The following CD4 variants were observed in gnomAD, a reference collection of about 807,000 sequenced individuals.
The protein encoded by CD4 is T-cell surface glycoprotein CD4.
Under a neutral mutation model 50.5 loss-of-function variants are expected in CD4, and 25 were observed. The ratio of observed to expected loss-of-function variants is 0.49; its 90% CI spans 0.36 to 0.69. The LOEUF is 0.69. Ranked by LOEUF, CD4 falls within the 30% of genes least tolerant of loss-of-function variation. The probability of loss-of-function intolerance (pLI) is 0.00; values close to 1 mark genes in which losing one functional copy is unlikely to be tolerated. For missense variants in CD4, 456 were observed against 548.5 expected (o/e 0.83, Z 1.68); for synonymous variants, 207 against 221.9 (o/e 0.93, Z 0.60).
intron 3 of CD4, among the ~76,000 whole-genome samples, chr12:6,809,868 C>T (rs1387120444): frequency 1.3e-5 from 2 of 150,888 alleles, no homozygotes; most frequent in African/African-American, 4.9e-5. Flanking sequence ...TGCTCCCCGT[C>T]TCTAGTCCAT....
chr12:6,792,737 C>T lies in CD4; in HGVS notation c.-68+3075C>T, dbSNP rs567572770. Among the ~76,000 whole-genome samples the T allele has an allele frequency of 2.6e-5, 4 of 152,088 alleles. No homozygotes were observed. The highest frequency in any genetic ancestry group is 7.2e-5 in the African/African-American group (3 of 41,394). On this transcript the variant is annotated intron_variant, in intron 1 of 9. Coordinates refer to ENST00000011653, the MANE Select transcript of CD4 (RefSeq NM_000616.5). The surrounding 1 kb of genome is among the most constrained non-coding windows in gnomAD (Gnocchi z 4.1). ...AAGGCCAGGAGGACTGTGTACAGACCGGAAGGAGCTAGAGCTTAGTGGCAG... is the reference window on the plus strand; with the variant it reads ...AAGGCCAGGAGGACTGTGTACAGACTGGAAGGAGCTAGAGCTTAGTGGCAG...
intron 3 of CD4, among the ~76,000 whole-genome samples, chr12:6,805,337 C>T (rs1371409612): frequency 9.2e-5 from 14 of 151,560 alleles, no homozygotes; most frequent in Admixed American, 6.6e-5. Flanking sequence ...TTGAGGCTGG[C>T]GGATCACTTG....
At chr12:6,803,404 C>T (rs1450010876) in intron 3 of CD4, among the ~76,000 whole-genome samples, 1 of 152,032 alleles carries the variant, frequency 6.6e-6, no homozygotes, top group African/African-American at 2.4e-5. Flanking sequence ...CCACCTTGGC[C>T]TCCCAAAGTG....
intron 3 of CD4, among the ~76,000 whole-genome samples, 198 bp downstream of exon 3, chr12:6,800,669 T>C (rs572517596): frequency 1.3e-5 from 2 of 152,348 alleles, no homozygotes; most frequent in Admixed American, 6.5e-5. Context: ...AATTTCAATA[T>C]TTTAATATTT....
rs202147012 is a variant in CD4, at chr12:6,819,521, G to C, written c.*192G>C. Reference sequence around the variant, plus strand: ...GAGTGTTGCTCTCTAGTTTCCAGAGGCTTAATCACACCGTCCTCCACGCCA... The same window carrying C: ...GAGTGTTGCTCTCTAGTTTCCAGAGCCTTAATCACACCGTCCTCCACGCCA... On this transcript the variant is annotated 3_prime_UTR_variant, in exon 10 of 10. Transcript: ENST00000011653. The C allele has an allele frequency of 1.8e-5, 11 of 616,540 alleles. No individual in the cohort carries two copies. Among genetic ancestry groups the C allele is most frequent in the Non-Finnish European group, 3.2e-5 (11 of 345,188 alleles). The allele number at this position is 616,540 out of a possible 1,614,324, so 38.2% of individuals were successfully genotyped here.
intron 1 of CD4, among the ~76,000 whole-genome samples, chr12:6,798,154 C>G (rs988105116): frequency 6.6e-6 from 1 of 151,774 alleles, no homozygotes; most frequent in Non-Finnish European, 1.5e-5. Flanking sequence ...ACCAAGCACA[C>G]TGCCTGCAAG....
At chr12:6,808,450 CAAAAAAAA>C (rs3032789) in intron 3 of CD4, among the ~76,000 whole-genome samples, 129 of 37,754 alleles carry the variant, frequency 3.4e-3, no homozygotes, top group African/African-American at 5.2e-3. Flanking sequence ...GATTCTGTCT[CAAAAAAAA>C]AAAAAAAAAA....
chr12:6,801,868 T>C (rs1942571396), intron 3 of CD4, among the ~76,000 whole-genome samples: 1 of 149,172 alleles, frequency 6.7e-6, no homozygotes, highest in African/African-American at 2.5e-5. Flanking sequence ...CCCAGAATCA[T>C]TTTTTTCTAC....
intron 5 of CD4, chr12:6,815,593 C>G: frequency 3.1e-6 from 2 of 646,912 alleles, no homozygotes; most frequent in Non-Finnish European, 5.0e-6. Context: ...TTGGTTTCAG[C>G]CTCTGTGAAA....
At chr12:6,796,966 C>T (rs1164461676) in intron 1 of CD4, among the ~76,000 whole-genome samples, 1 of 152,202 alleles carries the variant, frequency 6.6e-6, no homozygotes, top group African/African-American at 2.4e-5. Context: ...CCTTTGCACA[C>T]CTCAGAATGG....
At chr12:6,817,821 TCA>T (rs1387438870) in intron 7 of CD4, among the ~76,000 whole-genome samples, 1 of 149,088 alleles carries the variant, frequency 6.7e-6, no homozygotes, top group East Asian at 2.0e-4. Context: ...ACCCATGCAC[TCA>T]CACACTGTCA....
At chr12:6,802,703 T>C (rs1942600564) in intron 3 of CD4, among the ~76,000 whole-genome samples, 1 of 152,214 alleles carries the variant, frequency 6.6e-6, no homozygotes, top group Non-Finnish European at 1.5e-5. Context: ...ACTCCTTCCT[T>C]AAGTTATATC....
rs782313850 is a variant in CD4 at position 6,816,162 on chromosome 12, G to C, written c.714G>C (p.Leu238=). Residue 238 remains leucine, a synonymous_variant, in exon 6 of 10, where the codon CTG becomes CTC. Transcript: ENST00000011653. The surrounding 1 kb of genome is among the most constrained non-coding windows in gnomAD (Gnocchi z 4.9). The part of the protein sequence containing the change: ...TVEKLTGSGE[L]WWQAERASSS... Reference sequence around the variant, plus strand: ...AAAAGCTGACGGGCAGTGGCGAGCTGTGGTGGCAGGCGGAGAGGGCTTCCT... The same window carrying C: ...AAAAGCTGACGGGCAGTGGCGAGCTCTGGTGGCAGGCGGAGAGGGCTTCCT... 3 of 1,614,224 alleles carry C rather than the reference G, an allele frequency of 1.9e-6. No homozygotes were observed. The South Asian group carries it at 3.3e-5, about 18-fold the overall frequency.
chr12:6,817,053 G>T, intron 6 of CD4, 77 bp from the exon 7 acceptor site: 1 of 1,272,938 alleles, frequency 7.9e-7, no homozygotes, highest in Non-Finnish European at 1.1e-6. Flanking sequence ...CTAAAAGAAG[G>T]TCACCCATAT....
At chr12:6,808,752 C>T (rs1420385900) in intron 3 of CD4, among the ~76,000 whole-genome samples, 2 of 152,034 alleles carry the variant, frequency 1.3e-5, no homozygotes, top group African/African-American at 4.8e-5. Flanking sequence ...ATTAACAATG[C>T]TGTAAGTATT....
In CD4 at chr12:6,816,247, A is replaced by G. The variant is rs1325448082; in HGVS notation, c.799A>G (p.Thr267Ala). The G allele has an allele frequency of 4.3e-6, 7 of 1,614,082 alleles. No individual in the cohort carries two copies. Among genetic ancestry groups the G allele is most frequent in the South Asian group, 1.1e-5 (1 of 91,088 alleles). The change falls in exon 6 of 10, where the codon ACC becomes GCC. Residue 267 changes from threonine (T) to alanine (A), a missense_variant. Thr to Ala is a moderately conservative substitution (Grantham distance 58, BLOSUM62 0). Transcript: ENST00000011653. The surrounding 1 kb of genome is among the most constrained non-coding windows in gnomAD (Gnocchi z 4.9). The part of the protein sequence containing the change: ...KNKEVSVKRV[T>A]QDPKLQMGKK... ...CAAGGAAGTGTCTGTAAAACGGGTTACCCAGGACCCTAAGCTCCAGATGGG... is the reference window on the plus strand; with the variant it reads ...CAAGGAAGTGTCTGTAAAACGGGTTGCCCAGGACCCTAAGCTCCAGATGGG...
At chr12:6,801,382 G>T (rs113540640) in intron 3 of CD4, among the ~76,000 whole-genome samples, 98,616 of 148,308 alleles carry the variant, frequency 0.66, 33,311 homozygotes, top group African/African-American at 0.79. Flanking sequence ...CCAGGTGTGG[G>T]GGTGCAGTCC....
In CD4 at chr12:6,814,977, G is replaced by C; in HGVS notation, c.592G>C (p.Asp198His). 6.2e-7 allele frequency: 1 copy of C among 1,612,206 alleles called. No individual in the cohort carries two copies. The highest frequency in any genetic ancestry group is 8.5e-7 in the Non-Finnish European group (1 of 1,178,606). ...QNQKKVEFKIDIVVLAFQKAS... is the reference protein window; with the variant it reads ...QNQKKVEFKIHIVVLAFQKAS... ...CCAGAAGAAGGTGGAGTTCAAAATA[G>C]ACATCGTGGTGCTAGGTAAGGGAAG... is the stretch of plus-strand genomic sequence containing the variant. Residue 198 changes from aspartate to histidine, a missense_variant, in exon 5 of 10, where the codon GAC becomes CAC. Transcript: ENST00000011653.
chr12:6,810,934 C>A (rs1267710975), intron 3 of CD4, among the ~76,000 whole-genome samples: 14 of 151,882 alleles, frequency 9.2e-5, no homozygotes, highest in Admixed American at 9.2e-4. Flanking sequence ...GGATTGGGTG[C>A]CTGCCGTGCT....
Sources: allele counts gnomAD v4.1 joint callset (sites outside exome capture counted in the v4.1 genomes callset), GRCh38; gene constraint gnomAD v4.1.1; non-coding constraint Gnocchi (gnomAD v3.1); transcripts MANE v1.5; gene names NCBI Gene and HGNC (gene_info 2026-07-23, HGNC 2026-07-21).